Variants in CTNNA3 observed in about 807,000 individuals in gnomAD.
CTNNA3 encodes the protein catenin alpha 3, also known as catenin alpha-3.
A neutral mutation model predicts 95.7 loss-of-function variants in CTNNA3; 76 were observed. That is an observed-to-expected ratio of 0.79 (90% CI 0.66 to 0.96). The LOEUF is 0.96. CTNNA3 is among the 40% of genes least tolerant of loss of function. The pLI, the probability that CTNNA3 is intolerant of heterozygous loss-of-function variation, is 0.00. For synonymous variants in CTNNA3, 431 were observed against 374.4 expected (o/e 1.15, Z -1.74); for missense variants, 1,191 against 1,089.8 (o/e 1.09, Z -1.31).
Position 66,830,822 on chromosome 10 carries a change from G to A in CTNNA3, c.1048-55298C>T, listed in dbSNP as rs192094153. Among the ~76,000 whole-genome samples, 403 of 152,132 alleles carry A rather than the reference G, an allele frequency of 2.6e-3. 5 individuals are homozygous for A. The highest frequency in any genetic ancestry group is 9.1e-3 in the African/African-American group (379 of 41,530). On this transcript the variant is annotated intron_variant, in intron 7 of 17. Coordinates refer to ENST00000433211, the MANE Select transcript of CTNNA3 (RefSeq NM_013266.4). ...GACAGGGTTTCACCGTGTTAGCCAG[G>A]ATGGTCTCTATCTCCTGACCTCGTG...
intron 10 of CTNNA3, among the ~76,000 whole-genome samples, chr10:66,540,420 CACTT>C (rs1286694971): frequency 2.6e-5 from 4 of 152,010 alleles, no homozygotes; most frequent in Admixed American, 6.6e-5. Context: ...ACAGGAGGAC[CACTT>C]GGCCACTGAT....
intron 10 of CTNNA3, among the ~76,000 whole-genome samples, chr10:66,610,305 C>G (rs1277195654): frequency 6.6e-6 from 1 of 152,004 alleles, no homozygotes; most frequent in African/African-American, 2.4e-5. Context: ...CCCTATGTAA[C>G]AAACCCGCAC....
chr10:66,714,325 C>G (rs112406185), intron 9 of CTNNA3, among the ~76,000 whole-genome samples: 3 of 152,076 alleles, frequency 2.0e-5, no homozygotes, highest in South Asian at 4.1e-4. Flanking sequence ...AATGGAAATC[C>G]ATTCTCTTTC....
At chr10:66,504,710 T>A (rs1840392185) in intron 11 of CTNNA3, among the ~76,000 whole-genome samples, 1 of 152,112 alleles carries the variant, frequency 6.6e-6, no homozygotes, top group South Asian at 2.1e-4. Context: ...TTATAGGTGG[T>A]TAGAGTTGAG....
intron 1 of CTNNA3, among the ~76,000 whole-genome samples, chr10:67,654,899 AT>A (rs1464459919): frequency 6.6e-6 from 1 of 152,178 alleles, no homozygotes; most frequent in African/African-American, 2.4e-5. Context: ...TATTAAAATT[AT>A]TTTGTGAACA....
At chr10:66,759,320 A>T (rs1839507034) in intron 9 of CTNNA3, among the ~76,000 whole-genome samples, 1 of 152,194 alleles carries the variant, frequency 6.6e-6, no homozygotes, top group Non-Finnish European at 1.5e-5. Flanking sequence ...GCAGTGGAAC[A>T]CTTCTTTTAC....
chr10:67,363,962 C>T (rs1159272752), intron 5 of CTNNA3, among the ~76,000 whole-genome samples: 1 of 152,120 alleles, frequency 6.6e-6, no homozygotes, highest in East Asian at 1.9e-4. Flanking sequence ...GGGAATCCTC[C>T]CAAACTCATT....
chr10:66,053,625 C>T (rs1412965408), intron 15 of CTNNA3, among the ~76,000 whole-genome samples: 2 of 151,830 alleles, frequency 1.3e-5, no homozygotes, highest in Non-Finnish European at 2.9e-5. Flanking sequence ...ATCTCCAACT[C>T]CCTTAATTTT....
At chr10:66,081,126 A>AG in intron 14 of CTNNA3, among the ~76,000 whole-genome samples, 1 of 152,320 alleles carries the variant, frequency 6.6e-6, no homozygotes, top group South Asian at 2.1e-4. Flanking sequence ...GAAGTCAACC[A>AG]ATGAACCTGA....
At chr10:67,568,465 A>ATGTG (rs61162014) in intron 3 of CTNNA3, among the ~76,000 whole-genome samples, 9 of 150,070 alleles carry the variant, frequency 6.0e-5, no homozygotes, top group African/African-American at 2.2e-4. Context: ...GTATATATAT[A>ATGTG]TGTGTGTGTG....
chr10:66,307,002 G>A (rs10997050), intron 12 of CTNNA3, among the ~76,000 whole-genome samples: 7,107 of 152,196 alleles, frequency 0.047, 314 homozygotes, highest in African/African-American at 0.11. Flanking sequence ...CTGAACCTGC[G>A]TGTCAGGCAC....
At chr10:66,572,170 G>T (rs1842885708) in intron 10 of CTNNA3, among the ~76,000 whole-genome samples, 1 of 152,042 alleles carries the variant, frequency 6.6e-6, no homozygotes, top group Non-Finnish European at 1.5e-5. Context: ...ATCACTTGAG[G>T]TCAGGAGTTC....
At chr10:66,733,857 A>G (rs527771186) in intron 9 of CTNNA3, among the ~76,000 whole-genome samples, 1 of 151,946 alleles carries the variant, frequency 6.6e-6, no homozygotes, top group Non-Finnish European at 1.5e-5. Context: ...TGTAAAATAA[A>G]CCATGATAAA....
chr10:66,056,118 C>T (rs902058980), intron 15 of CTNNA3, among the ~76,000 whole-genome samples: 1 of 151,968 alleles, frequency 6.6e-6, no homozygotes, highest in East Asian at 1.9e-4. Context: ...AAAGGAGAGG[C>T]TTTCAGGTTT....
chr10:66,567,817 T>C (rs771544378), intron 10 of CTNNA3, among the ~76,000 whole-genome samples: 42 of 152,150 alleles, frequency 2.8e-4, no homozygotes, highest in Non-Finnish European at 4.9e-4. Context: ...CATCCATCCA[T>C]CTTGGTTGAT....
At chr10:65,936,692 C>T (rs2077343812) in intron 17 of CTNNA3, among the ~76,000 whole-genome samples, 1 of 152,066 alleles carries the variant, frequency 6.6e-6, no homozygotes, top group Admixed American at 6.6e-5. Context: ...AAAACACAGA[C>T]TTCAGAAGCA....
At chr10:65,985,158 AAG>A (rs1275347255) in intron 16 of CTNNA3, among the ~76,000 whole-genome samples, 5 of 151,072 alleles carry the variant, frequency 3.3e-5, no homozygotes, top group Admixed American at 6.6e-5. Flanking sequence ...TTCATTTTCC[AAG>A]AGAGTATAAA....
At chr10:66,970,689 A>C (rs989823674) in intron 7 of CTNNA3, among the ~76,000 whole-genome samples, 14 of 152,188 alleles carry the variant, frequency 9.2e-5, no homozygotes, top group African/African-American at 3.4e-4. Flanking sequence ...CTATTTTCAC[A>C]TAGCCCCAAA....
At chr10:67,312,910 G>A (rs1840869758) in intron 5 of CTNNA3, among the ~76,000 whole-genome samples, 1 of 152,148 alleles carries the variant, frequency 6.6e-6, no homozygotes, top group Admixed American at 6.5e-5. Context: ...CAAGTAATTT[G>A]TTAGAAATTA....
Sources: allele counts gnomAD v4.1 joint callset (sites outside exome capture counted in the v4.1 genomes callset), GRCh38; gene constraint gnomAD v4.1.1; transcripts MANE v1.5; gene names NCBI Gene and HGNC (gene_info 2026-07-23, HGNC 2026-07-21).